Variants in ADGRA3 observed in about 807,000 individuals in gnomAD.
ADGRA3 encodes the protein adhesion G protein-coupled receptor A3, also known as G-protein coupled receptor 125.
A neutral mutation model predicts 119.8 loss-of-function variants in ADGRA3; 56 were observed. That is an observed-to-expected ratio of 0.47 (90% CI 0.38 to 0.58). ADGRA3 has a LOEUF of 0.58. Ranked by LOEUF, ADGRA3 falls within the 20% of genes least tolerant of loss-of-function variation. The pLI is 0.00. For synonymous variants in ADGRA3, 607 were observed against 623.8 expected (o/e 0.97, Z 0.40); for missense variants, 1,516 against 1,649.0 (o/e 0.92, Z 1.40).
intron 17 of ADGRA3, among the ~76,000 whole-genome samples, chr4:22,390,367 AT>A (rs1560292224): frequency 6.3e-5 from 1 of 15,802 alleles, no homozygotes; most frequent in African/African-American, 1.2e-4. Context: ...TATAATACGT[AT>A]TATATATATA....
At chr4:22,430,383 G>C (rs892714688) in intron 10 of ADGRA3, among the ~76,000 whole-genome samples, 6 of 152,168 alleles carry the variant, frequency 3.9e-5, no homozygotes, top group African/African-American at 1.4e-4. Context: ...TGTAGGTCCA[G>C]GCTGAGGTGG....
intron 1 of ADGRA3, among the ~76,000 whole-genome samples, chr4:22,484,654 G>A (rs975342688): frequency 1.4e-5 from 2 of 141,628 alleles, no homozygotes; most frequent in African/African-American, 4.9e-5. Flanking sequence ...ATGATACCAT[G>A]CAGAATACAA....
intron 1 of ADGRA3, among the ~76,000 whole-genome samples, chr4:22,480,134 T>TA (rs1377124651): frequency 6.6e-6 from 1 of 152,122 alleles, no homozygotes; most frequent in African/African-American, 2.4e-5. Flanking sequence ...TCTCAGCACT[T>TA]AAAGTATTTA....
At chr4:22,449,248 C>A (rs75739774) in intron 4 of ADGRA3, among the ~76,000 whole-genome samples, 6,065 of 149,544 alleles carry the variant, frequency 0.041, 199 homozygotes, top group East Asian at 0.19. Context: ...CCAACCTGAG[C>A]AACAGAGTGA....
chr4:22,425,575 G>C (rs716411), intron 10 of ADGRA3, among the ~76,000 whole-genome samples: 6,971 of 152,224 alleles, frequency 0.046, 293 homozygotes, highest in East Asian at 0.23. Flanking sequence ...CCAGAGGTAG[G>C]ATCAGACAAT....
At chr4:22,464,469 G>A (rs1717581354) in intron 2 of ADGRA3, among the ~76,000 whole-genome samples, 1 of 152,162 alleles carries the variant, frequency 6.6e-6, no homozygotes, top group African/African-American at 2.4e-5. Context: ...CTCTTAACTT[G>A]GAGTAAAAAG....
At chr4:22,434,970 G>A (rs1380591045) in intron 10 of ADGRA3, among the ~76,000 whole-genome samples, 3 of 152,168 alleles carry the variant, frequency 2.0e-5, no homozygotes, top group Non-Finnish European at 2.9e-5. Context: ...ATGAGCACGA[G>A]GATATGTGGA....
intron 1 of ADGRA3, among the ~76,000 whole-genome samples, chr4:22,504,629 T>C (rs1254189729): frequency 6.6e-6 from 1 of 152,146 alleles, no homozygotes; most frequent in Non-Finnish European, 1.5e-5. Flanking sequence ...CTCTCAGCTC[T>C]CTGTCCTAGA....
intron 6 of ADGRA3, among the ~76,000 whole-genome samples, chr4:22,443,554 T>C: frequency 6.6e-6 from 1 of 152,116 alleles, no homozygotes; most frequent in Middle Eastern, 3.2e-3. Context: ...AATTAGTCCT[T>C]CCATTATTTA....
chr4:22,511,405 A>G (rs1207103429), intron 1 of ADGRA3, among the ~76,000 whole-genome samples: 1 of 152,078 alleles, frequency 6.6e-6, no homozygotes, highest in Non-Finnish European at 1.5e-5. Context: ...CACACAGTTA[A>G]GCCTAGGATT....
intron 14 of ADGRA3, among the ~76,000 whole-genome samples, chr4:22,404,081 C>A (rs944395558): frequency 2.6e-5 from 4 of 152,170 alleles, no homozygotes; most frequent in Non-Finnish European, 5.9e-5. Flanking sequence ...GGCCACCATG[C>A]CAGATAACCT....
At chr4:22,425,188 G>A (rs746561497) in intron 10 of ADGRA3, among the ~76,000 whole-genome samples, 1 of 151,916 alleles carries the variant, frequency 6.6e-6, no homozygotes, top group African/African-American at 2.4e-5. Flanking sequence ...TGTGTTGTAT[G>A]ATCTCACCCC....
At chr4:22,397,347 A>G (rs920871132) in intron 16 of ADGRA3, among the ~76,000 whole-genome samples, 6 of 151,786 alleles carry the variant, frequency 4.0e-5, no homozygotes, top group Non-Finnish European at 7.4e-5. Context: ...ACGCTCAGCT[A>G]ATTTTTGTAC....
At chr4:22,494,230 C>T in intron 1 of ADGRA3, among the ~76,000 whole-genome samples, 1 of 151,130 alleles carries the variant, frequency 6.6e-6, no homozygotes. Context: ...ATAAGAGTAA[C>T]CTTTGGTAGT....
chr4:22,483,947 A>G (rs1718335005), intron 1 of ADGRA3, among the ~76,000 whole-genome samples: 2 of 152,032 alleles, frequency 1.3e-5, no homozygotes, highest in South Asian at 4.2e-4. Context: ...CAGCTAACTT[A>G]TAAGAAAAAC....
intron 10 of ADGRA3, 121 bp downstream of exon 10, chr4:22,435,190 A>G: frequency 3.5e-6 from 3 of 860,542 alleles, no homozygotes; most frequent in Non-Finnish European, 5.4e-6. Flanking sequence ...CTGGAAATTT[A>G]AAAGCATGCT....
Position 22,398,209 on chromosome 4 carries a change from G to C in ADGRA3, c.2481+3222C>G, listed in dbSNP as rs147648184. ...AATACTAATATAATAGTGGTAACAG[G>C]TAACATTTATTGAACAGTTAGTATA... On this transcript the variant is annotated intron_variant, in intron 16 of 18. Transcript: ENST00000334304. The C allele has an allele frequency of 2.8e-4, 244 of 871,078 alleles. 2 individuals carry two copies. In the African/African-American group the frequency reaches 3.9e-3, roughly 14 times the overall value. The allele number at this position is 871,078 out of a possible 1,614,324, so 54.0% of individuals were successfully genotyped here. A position where few individuals can be genotyped will look rare whatever the true frequency, so the allele number is the denominator to read the frequency against.
At chr4:22,420,759 A>G (rs1715628277) in intron 12 of ADGRA3, 127 bp downstream of exon 12, 1 of 881,152 alleles carries the variant, frequency 1.1e-6, no homozygotes, top group South Asian at 1.6e-5. Flanking sequence ...AAACAGTAGC[A>G]AAAGCAATAA....
chr4:22,392,054 C>A (rs926805236), intron 17 of ADGRA3, among the ~76,000 whole-genome samples: 1 of 152,206 alleles, frequency 6.6e-6, no homozygotes, highest in Non-Finnish European at 1.5e-5. Context: ...ATCAGGCATT[C>A]AACAAGCTTG....
Sources: gnomAD v4.1 joint callset for allele counts (sites outside exome capture counted in the v4.1 genomes callset) on GRCh38, gnomAD v4.1.1 for gene constraint, MANE v1.5 for transcripts, NCBI Gene and HGNC (gene_info 2026-07-23, HGNC 2026-07-21) for gene names.